The following DLG2 variants were observed in gnomAD, a reference collection of about 807,000 sequenced individuals.
DLG2 encodes disks large homolog 2.
In DLG2, 45 loss-of-function variants were observed where a neutral mutation model predicts 132.5. That is an observed-to-expected ratio of 0.34 (90% confidence interval 0.27 to 0.44). DLG2 has a LOEUF of 0.44. Among genes scored for constraint, DLG2 ranks in the 20% least tolerant of loss-of-function variants. The pLI is 1.00. For synonymous variants in DLG2, 424 were observed against 419.6 expected (o/e 1.01, Z -0.13); for missense variants, 1,045 against 1,196.9 (o/e 0.87, Z 1.87).
At chr11:85,620,356 G>A (rs1204578459) in intron 2 of DLG2, among the ~76,000 whole-genome samples, 1 of 152,124 alleles carries the variant, frequency 6.6e-6, no homozygotes, top group Non-Finnish European at 1.5e-5. Flanking sequence ...CAATATTAAA[G>A]TTAGGCCAAT....
intron 19 of DLG2, among the ~76,000 whole-genome samples, chr11:83,616,767 T>A (rs147005287): frequency 6.6e-6 from 1 of 152,202 alleles, no homozygotes; most frequent in Admixed American, 6.5e-5. Flanking sequence ...TTCTAGACTT[T>A]TATTGTTTTA....
chr11:85,083,798 G>A (rs1339166272), intron 6 of DLG2, among the ~76,000 whole-genome samples: 1 of 152,088 alleles, frequency 6.6e-6, no homozygotes, highest in Non-Finnish European at 1.5e-5. Flanking sequence ...GCCTCAGAGA[G>A]AATAGATTGT....
At chr11:84,124,837 CT>C (rs2094095446) in intron 9 of DLG2, among the ~76,000 whole-genome samples, 1 of 136,938 alleles carries the variant, frequency 7.3e-6, no homozygotes, top group Admixed American at 7.8e-5. Flanking sequence ...TGAGAAATAA[CT>C]TGTTTTCACT....
intron 6 of DLG2, among the ~76,000 whole-genome samples, chr11:84,905,890 G>A (rs1005390791): frequency 9.9e-5 from 15 of 152,036 alleles, no homozygotes; most frequent in African/African-American, 3.1e-4. Context: ...CATACACATG[G>A]TACAGTTTAA....
At chr11:84,484,159 A>T (rs772851340) in intron 7 of DLG2, among the ~76,000 whole-genome samples, 1 of 152,134 alleles carries the variant, frequency 6.6e-6, no homozygotes, top group Non-Finnish European at 1.5e-5. Context: ...AAACTTAGGT[A>T]TAGCAATTTA....
chr11:84,711,481 T>C (rs1002043223), intron 6 of DLG2, among the ~76,000 whole-genome samples: 2 of 131,902 alleles, frequency 1.5e-5, no homozygotes, highest in Admixed American at 1.9e-4. Flanking sequence ...AGGTCAGCAG[T>C]CAGCAAGCTG....
At chr11:85,538,023 G>C (rs1050103874) in intron 3 of DLG2, among the ~76,000 whole-genome samples, 2 of 151,958 alleles carry the variant, frequency 1.3e-5, no homozygotes, top group African/African-American at 4.9e-5. Flanking sequence ...GGCTGAGGCA[G>C]GAGAATGGCG....
chr11:84,533,923 A>AAAAT (rs1275773627), intron 7 of DLG2, among the ~76,000 whole-genome samples: 1 of 143,262 alleles, frequency 7.0e-6, no homozygotes, highest in Non-Finnish European at 1.5e-5. Flanking sequence ...AAAAAAAAAA[A>AAAAT]AAAAAAAAAA....
chr11:84,619,488 C>T (rs189732611), intron 6 of DLG2, among the ~76,000 whole-genome samples: 1 of 150,832 alleles, frequency 6.6e-6, no homozygotes. Context: ...AATAATAATA[C>T]CAGAATAATA....
intron 19 of DLG2, among the ~76,000 whole-genome samples, chr11:83,591,486 G>A (rs1478898778): frequency 1.5e-4 from 13 of 86,920 alleles, no homozygotes; most frequent in African/African-American, 3.4e-4. Flanking sequence ...TTGATGGGAC[G>A]TATTTCAAAA....
Position 83,466,695 on chromosome 11 carries a change from G to A in DLG2, c.2729+13C>T, listed in dbSNP as rs757754566. 6.7e-7 allele frequency: 1 copy of A among 1,492,540 alleles called. No homozygotes were observed. The highest frequency in any genetic ancestry group is 1.7e-5 in the Admixed American group (1 of 59,832). The allele number at this position is 1,492,540 out of a possible 1,614,324, so 92.5% of individuals were successfully genotyped here. A position where few individuals can be genotyped will look rare whatever the true frequency, so the allele number is the denominator to read the frequency against. On this transcript the variant is annotated intron_variant, in intron 26 of 27. Coordinates refer to ENST00000376104, the MANE Select transcript of DLG2 (RefSeq NM_001142699.3). ...AGTCAGTTGGATGAAGGCCTCCAATGCCCTCTACTCACATAAGAGGTTCCA... is the reference window on the plus strand; with the variant it reads ...AGTCAGTTGGATGAAGGCCTCCAATACCCTCTACTCACATAAGAGGTTCCA...
At chr11:84,901,019 C>A (rs2154070512) in intron 6 of DLG2, among the ~76,000 whole-genome samples, 1 of 151,866 alleles carries the variant, frequency 6.6e-6, no homozygotes, top group Admixed American at 6.6e-5. Flanking sequence ...CTTAGCGAGT[C>A]CATATGTAAA....
chr11:83,876,428 A>G (rs2154069659), intron 15 of DLG2, among the ~76,000 whole-genome samples: 1 of 152,246 alleles, frequency 6.6e-6, no homozygotes, highest in East Asian at 1.9e-4. Flanking sequence ...AAATTAAAAT[A>G]TATTTTCTAT....
At chr11:83,552,182 A>G (rs187241410) in intron 19 of DLG2, among the ~76,000 whole-genome samples, 2 of 152,314 alleles carry the variant, frequency 1.3e-5, no homozygotes, top group Admixed American at 1.3e-4. Flanking sequence ...GTTGCTATGG[A>G]AAAAGTTAAA....
chr11:83,912,269 T>C (rs11233806), intron 15 of DLG2, among the ~76,000 whole-genome samples: 27,892 of 152,086 alleles, frequency 0.18, 3,076 homozygotes, highest in Non-Finnish European at 0.26. Context: ...CTTGTATATA[T>C]AGTAATCATC....
intron 6 of DLG2, among the ~76,000 whole-genome samples, chr11:84,651,483 T>C (rs911940812): frequency 6.6e-6 from 1 of 152,274 alleles, no homozygotes; most frequent in Non-Finnish European, 1.5e-5. Flanking sequence ...GAAGATGCTA[T>C]GTGTCTTGAG....
At chr11:83,866,787 G>A (rs560448831) in intron 16 of DLG2, among the ~76,000 whole-genome samples, 17 of 152,238 alleles carry the variant, frequency 1.1e-4, no homozygotes, top group South Asian at 8.3e-4. Context: ...ATTGCCCAGT[G>A]GATTCTGTGG....
At chr11:84,451,745 A>G (rs1306528213) in intron 7 of DLG2, among the ~76,000 whole-genome samples, 1 of 151,846 alleles carries the variant, frequency 6.6e-6, no homozygotes, top group Non-Finnish European at 1.5e-5. Flanking sequence ...GATAGTACAA[A>G]AGATAAATAG....
chr11:84,613,301 A>C (rs1225534309), intron 6 of DLG2, among the ~76,000 whole-genome samples: 1 of 152,162 alleles, frequency 6.6e-6, no homozygotes, highest in East Asian at 1.9e-4. Context: ...CTATATTAGG[A>C]AAAGAGTCTC....
Sources: allele counts gnomAD v4.1 joint callset (sites outside exome capture counted in the v4.1 genomes callset), GRCh38; gene constraint gnomAD v4.1.1; transcripts MANE v1.5; gene names NCBI Gene and HGNC (gene_info 2026-07-23, HGNC 2026-07-21).